Variants in MIPOL1 observed in about 807,000 individuals in gnomAD.
MIPOL1 encodes mirror-image polydactyly gene 1 protein.
Under a neutral mutation model 60.9 loss-of-function variants are expected in MIPOL1, and 57 were observed. That is an observed-to-expected ratio of 0.94 (90% CI 0.76 to 1.17). MIPOL1 has a LOEUF of 1.17. MIPOL1 is among the 50% of genes most tolerant of loss of function. The pLI is 0.00. For missense variants in MIPOL1, 551 were observed against 511.6 expected, an observed-to-expected ratio of 1.08 and a Z score of -0.74; for synonymous variants, 179 against 168.8, an observed-to-expected ratio of 1.06 and a Z score of -0.47.
intron 10 of MIPOL1, among the ~76,000 whole-genome samples, chr14:37,414,331 T>TA (rs2153541968): frequency 6.6e-6 from 1 of 152,292 alleles, no homozygotes; most frequent in East Asian, 1.9e-4. Context: ...TTTTACATCT[T>TA]AGCCAGTATA....
intron 7 of MIPOL1, among the ~76,000 whole-genome samples, chr14:37,299,302 G>T (rs536790680): frequency 2.3e-4 from 35 of 152,012 alleles, no homozygotes; most frequent in African/African-American, 8.0e-4. Context: ...GGTAGGGAGA[G>T]GGGGGCGGGA....
In MIPOL1 at chr14:37,535,447, T is replaced by G. The variant is rs114848041; in HGVS notation, c.1263-11458T>G. ...ATGTAAATCTAAAAGACAAGCTTAA[T>G]GCAGCATGGTAAATAAAATGACCCA... On this transcript the variant is annotated intron_variant, in intron 12 of 12. Coordinates refer to ENST00000684589, the MANE Select transcript of MIPOL1 (RefSeq NM_001388067.1). Among the ~76,000 whole-genome samples the G allele has an allele frequency of 6.5e-3, 991 of 152,322 alleles. 12 individuals carry two copies. The highest frequency in any genetic ancestry group is 0.023 in the African/African-American group (956 of 41,570).
At chr14:37,485,687 T>A (rs2094936480) in intron 11 of MIPOL1, among the ~76,000 whole-genome samples, 1 of 152,238 alleles carries the variant, frequency 6.6e-6, no homozygotes, top group Admixed American at 6.5e-5. Context: ...TGTTTGTTTT[T>A]TTCTTGTAAA....
rs1008479957 is a variant in MIPOL1, at chr14:37,208,766, G to T, written c.-199+10662G>T. 2.7e-4 allele frequency among the ~76,000 whole-genome samples: 41 copies of T among 152,032 alleles called. 1 individual carries two copies. Among genetic ancestry groups the T allele is most frequent in the Non-Finnish European group, 7.4e-5 (5 of 68,006 alleles). Reference sequence around the variant, plus strand: ...ATTCCACCATGCCCGGCTAATTTTTGTATTAGTAGAGATGGGGATTCACCA... The same window carrying T: ...ATTCCACCATGCCCGGCTAATTTTTTTATTAGTAGAGATGGGGATTCACCA... On this transcript the variant is annotated intron_variant, in intron 1 of 12. Transcript: ENST00000684589.
chr14:37,319,668 G>T (rs1007574841), intron 9 of MIPOL1, among the ~76,000 whole-genome samples: 2 of 152,040 alleles, frequency 1.3e-5, no homozygotes, highest in African/African-American at 4.8e-5. Context: ...TGTAAATGAG[G>T]GTATAACTTG....
chr14:37,362,263 A>G (rs981559510), intron 9 of MIPOL1, among the ~76,000 whole-genome samples: 1 of 152,174 alleles, frequency 6.6e-6, no homozygotes, highest in Non-Finnish European at 1.5e-5. Context: ...GTTCCTTTCT[A>G]TATTTAGTGC....
chr14:37,295,143 C>T (rs1023113253), intron 7 of MIPOL1, among the ~76,000 whole-genome samples: 2 of 152,188 alleles, frequency 1.3e-5, no homozygotes, highest in African/African-American at 4.8e-5. Context: ...GAGTGGGGGC[C>T]AATATTCAAC....
At chr14:37,205,839 G>A (rs953359473) in intron 1 of MIPOL1, among the ~76,000 whole-genome samples, 20 of 152,162 alleles carry the variant, frequency 1.3e-4, no homozygotes, top group African/African-American at 4.3e-4. Context: ...TGGTGTAAAT[G>A]TGCCACATTG....
intron 10 of MIPOL1, among the ~76,000 whole-genome samples, chr14:37,410,970 C>T (rs1210393957): frequency 1.3e-5 from 2 of 151,996 alleles, no homozygotes; most frequent in Non-Finnish European, 2.9e-5. Flanking sequence ...GATTTAAAGA[C>T]AAATTTATTG....
At chr14:37,281,668 G>A (rs1191014006) in intron 6 of MIPOL1, among the ~76,000 whole-genome samples, 1 of 152,156 alleles carries the variant, frequency 6.6e-6, no homozygotes, top group African/African-American at 2.4e-5. Flanking sequence ...GCCTCCCAAA[G>A]GGCTGGGATT....
intron 11 of MIPOL1, among the ~76,000 whole-genome samples, chr14:37,453,644 C>T (rs1283384692): frequency 6.6e-6 from 1 of 151,650 alleles, no homozygotes; most frequent in Non-Finnish European, 1.5e-5. Flanking sequence ...TATAAGTGCC[C>T]AAAAAAGGTA....
chr14:37,205,645 T>C (rs987760932), intron 1 of MIPOL1, among the ~76,000 whole-genome samples: 1 of 152,036 alleles, frequency 6.6e-6, no homozygotes, highest in Non-Finnish European at 1.5e-5. Context: ...CAGGCCCTGG[T>C]GTGTGATGTT....
At chr14:37,260,183 A>G (rs910099404) in intron 3 of MIPOL1, among the ~76,000 whole-genome samples, 1 of 148,932 alleles carries the variant, frequency 6.7e-6, no homozygotes, top group Non-Finnish European at 1.5e-5. Context: ...AGGTGGGAGG[A>G]TTGCTTGAGC....
chr14:37,362,481 T>C lies in MIPOL1; in HGVS notation c.829-7036T>C, dbSNP rs1485916798. ...AGGGTTTCTGCCGATAGATGCACTGTTAGTCTGATGGGCTTCCCTTTGTGG... is the reference window on the plus strand; with the variant it reads ...AGGGTTTCTGCCGATAGATGCACTGCTAGTCTGATGGGCTTCCCTTTGTGG... On this transcript the variant is annotated intron_variant, in intron 9 of 12. Coordinates refer to ENST00000684589, the MANE Select transcript of MIPOL1 (RefSeq NM_001388067.1). Among the ~76,000 whole-genome samples the C allele has an allele frequency of 8.5e-5, 13 of 152,248 alleles. No homozygotes were observed. In the South Asian group the frequency reaches 2.3e-3, roughly 27 times the overall value.
intron 9 of MIPOL1, among the ~76,000 whole-genome samples, chr14:37,355,074 CT>C (rs2091701086): frequency 1.3e-5 from 2 of 148,334 alleles, no homozygotes; most frequent in African/African-American, 5.0e-5. Context: ...TTAGCACTTC[CT>C]TCAGGAGCTC....
chr14:37,270,399 AT>A lies in MIPOL1; in HGVS notation c.388-14del. On this transcript the variant is annotated intron_variant, in intron 5 of 12. Coordinates refer to ENST00000684589, the MANE Select transcript of MIPOL1 (RefSeq NM_001388067.1). ...GACATTTGTCAAATAAGAATCCATG[AT>A]TTTTTTCAATGTGCTTTAGCTTCAG... 4 of 1,330,412 alleles carry A rather than the reference AT, an allele frequency of 3.0e-6. No individual in the cohort carries two copies. The highest frequency in any genetic ancestry group is 2.4e-5 in the Admixed American group (1 of 41,514). The allele number at this position is 1,330,412 out of a possible 1,614,324, so 82.4% of individuals were successfully genotyped here.
At chr14:37,467,263 G>A (rs2094610459) in intron 11 of MIPOL1, among the ~76,000 whole-genome samples, 1 of 152,108 alleles carries the variant, frequency 6.6e-6, no homozygotes, top group African/African-American at 2.4e-5. Flanking sequence ...ATATTGTACA[G>A]AAAAACTGCT....
intron 11 of MIPOL1, among the ~76,000 whole-genome samples, chr14:37,461,625 G>A (rs2094539731): frequency 6.6e-6 from 1 of 152,138 alleles, no homozygotes; most frequent in South Asian, 2.1e-4. Context: ...AAGCAGGTTA[G>A]TTACTTCCTA....
At chr14:37,291,717 G>A (rs983857258) in intron 7 of MIPOL1, among the ~76,000 whole-genome samples, 64 of 151,964 alleles carry the variant, frequency 4.2e-4, no homozygotes, top group East Asian at 1.4e-3. Flanking sequence ...ATCCAAGATC[G>A]AGGTGCTGGC....
Sources: allele counts gnomAD v4.1 joint callset (sites outside exome capture counted in the v4.1 genomes callset), GRCh38; gene constraint gnomAD v4.1.1; transcripts MANE v1.5; gene names NCBI Gene and HGNC (gene_info 2026-07-23, HGNC 2026-07-21).